Variants in UTRN observed in about 807,000 individuals in gnomAD.
UTRN encodes utrophin.
Under a neutral mutation model 463.9 loss-of-function variants are expected in UTRN, and 283 were observed. The ratio of observed to expected loss-of-function variants is 0.61; its 90% CI spans 0.55 to 0.67. The LOEUF is 0.67. Among genes scored for constraint, UTRN ranks in the 30% least tolerant of loss-of-function variants. The pLI, the probability that UTRN is intolerant of heterozygous loss-of-function variation, is 0.00. For synonymous variants in UTRN, 1,442 were observed against 1,431.5 expected (o/e 1.01, Z -0.17); for missense variants, 3,922 against 4,084.3 (o/e 0.96, Z 1.08).
chr6:144,394,491 G>A (rs543303238), intron 2 of UTRN, among the ~76,000 whole-genome samples: 1 of 152,290 alleles, frequency 6.6e-6, no homozygotes, highest in South Asian at 2.1e-4. Context: ...AATTATGGGA[G>A]CTATAATTCA....
chr6:144,764,962 G>A (rs539218491), intron 58 of UTRN, among the ~76,000 whole-genome samples: 2 of 152,186 alleles, frequency 1.3e-5, no homozygotes, highest in Non-Finnish European at 2.9e-5. Context: ...GGCTCCCCAG[G>A]GCCAATGCAA....
At chr6:144,577,735 G>T (rs1239495112) in intron 51 of UTRN, among the ~76,000 whole-genome samples, 1 of 152,158 alleles carries the variant, frequency 6.6e-6, no homozygotes, top group Non-Finnish European at 1.5e-5. Context: ...TATGTCATTA[G>T]CTTGATAACT....
intron 58 of UTRN, among the ~76,000 whole-genome samples, chr6:144,762,254 C>G (rs929532780): frequency 6.6e-6 from 1 of 152,308 alleles, no homozygotes; most frequent in East Asian, 1.9e-4. Flanking sequence ...TCCTGAACTC[C>G]TGATCACTAT....
At chr6:144,685,997 T>C (rs977833181) in intron 52 of UTRN, among the ~76,000 whole-genome samples, 1 of 152,144 alleles carries the variant, frequency 6.6e-6, no homozygotes, top group Admixed American at 6.6e-5. Flanking sequence ...GAGTTTTTCC[T>C]AGAATTTCTT....
chr6:144,438,798 C>A lies in UTRN; in HGVS notation c.1295C>A (p.Ala432Asp). The change falls in exon 12 of 75, where the codon GCC (alanine) becomes GAC (aspartate). Residue 432 changes from alanine (A) to aspartate (D), a missense_variant. Around this residue, in one of 3 missense-constraint regions of UTRN, gnomAD observed 2,349 missense variants for 2,303.8 expected, o/e 1.02. Coordinates refer to ENST00000367545, the MANE Select transcript of UTRN (RefSeq NM_007124.3). ...LQKKQLQQLS[A>D]WLTLTEERIQ... The stretch of plus-strand genomic sequence containing the variant: ...AAGAAGCAACTGCAGCAGCTCTCCG[C>A]CTGGTTAACACTCACAGAGGAGCGC... 6.2e-7 allele frequency: 1 copy of A among 1,614,208 alleles called. No homozygotes were observed. Among genetic ancestry groups the A allele is most frequent in the East Asian group, 2.2e-5 (1 of 44,886 alleles).
At chr6:144,503,935 T>C (rs576892497) in intron 34 of UTRN, among the ~76,000 whole-genome samples, 64 of 152,228 alleles carry the variant, frequency 4.2e-4, no homozygotes, top group African/African-American at 1.5e-3. Context: ...CAGTGGTTTG[T>C]AGTTCTCCTT....
At chr6:144,557,405 A>G in intron 50 of UTRN, 94 bp downstream of exon 50, 2 of 1,283,808 alleles carry the variant, frequency 1.6e-6, no homozygotes, top group South Asian at 3.2e-5. Flanking sequence ...ACATGTGGCT[A>G]CTACAAGTAC....
chr6:144,499,489 C>A, intron 34 of UTRN, 62 bp downstream of exon 34: 4 of 1,446,148 alleles, frequency 2.8e-6, no homozygotes, highest in South Asian at 1.6e-5. Context: ...TTTGTTCGGG[C>A]GACCTGGTTG....
At chr6:144,375,581 G>A (rs1056821102) in intron 2 of UTRN, among the ~76,000 whole-genome samples, 5 of 152,150 alleles carry the variant, frequency 3.3e-5, no homozygotes, top group Non-Finnish European at 7.4e-5. Context: ...GTTTGGATAT[G>A]TGGCCTTGTT....
At chr6:144,308,735 A>C (rs1805978576) in intron 2 of UTRN, among the ~76,000 whole-genome samples, 1 of 152,072 alleles carries the variant, frequency 6.6e-6, no homozygotes, top group South Asian at 2.1e-4. Flanking sequence ...TTACTTACTC[A>C]AAGTCACCTC....
At chr6:144,294,553 T>C (rs1288078627) in intron 2 of UTRN, among the ~76,000 whole-genome samples, 1 of 151,972 alleles carries the variant, frequency 6.6e-6, no homozygotes, top group Non-Finnish European at 1.5e-5. Context: ...TACTTTCCTT[T>C]AGGAAAATTT....
intron 66 of UTRN, among the ~76,000 whole-genome samples, chr6:144,822,253 A>C (rs778758970): frequency 3.9e-5 from 6 of 152,120 alleles, no homozygotes; most frequent in Non-Finnish European, 5.9e-5. Flanking sequence ...TTTATGTACC[A>C]GTTTATCTCT....
intron 73 of UTRN, among the ~76,000 whole-genome samples, chr6:144,843,048 CTTAG>C (rs1481483371): frequency 6.6e-6 from 1 of 152,072 alleles, no homozygotes; most frequent in African/African-American, 2.4e-5. Flanking sequence ...TGTTATGTTA[CTTAG>C]TGAGTAGATA....
chr6:144,766,603 G>A (rs1364854262), intron 58 of UTRN, among the ~76,000 whole-genome samples: 1 of 152,000 alleles, frequency 6.6e-6, no homozygotes, highest in Non-Finnish European at 1.5e-5. Flanking sequence ...GCACCATGGA[G>A]TTCATTGCTA....
intron 51 of UTRN, among the ~76,000 whole-genome samples, chr6:144,628,131 CAT>C (rs2128652341): frequency 1.3e-5 from 2 of 152,198 alleles, no homozygotes; most frequent in South Asian, 4.1e-4. Flanking sequence ...AATTATTATG[CAT>C]ATATCACATT....
chr6:144,779,062 G>T (rs1775586036), intron 60 of UTRN, among the ~76,000 whole-genome samples: 1 of 152,190 alleles, frequency 6.6e-6, no homozygotes, highest in Non-Finnish European at 1.5e-5. Context: ...CAGCTACAGA[G>T]TGTATAACCA....
chr6:144,522,907 C>T, intron 40 of UTRN, 109 bp from the exon 41 acceptor site: 2 of 891,492 alleles, frequency 2.2e-6, no homozygotes, highest in South Asian at 2.4e-5. Context: ...ATGATTATGT[C>T]TCATTATTAT....
intron 51 of UTRN, chr6:144,659,874 G>C: frequency 5.3e-6 from 1 of 190,400 alleles, no homozygotes; most frequent in Non-Finnish European, 1.1e-5. Flanking sequence ...GGAGAGAACA[G>C]TTGTGGCCTG....
chr6:144,730,341 G>A lies in UTRN; in HGVS notation c.7810-16G>A. On this transcript the variant is annotated splice_polypyrimidine_tract_variant and intron_variant, in intron 53 of 74. Coordinates refer to ENST00000367545, the MANE Select transcript of UTRN (RefSeq NM_007124.3). ...ACGTGAGGTTACAAACTCAACTTTT[G>A]CTTCTCTTTTGAAAGGCCCTGAGAC... 6.4e-7 allele frequency: 1 copy of A among 1,561,872 alleles called. No homozygotes were observed. The highest frequency in any genetic ancestry group is 8.7e-7 in the Non-Finnish European group (1 of 1,152,790).
Sources: allele counts gnomAD v4.1 joint callset (sites outside exome capture counted in the v4.1 genomes callset), GRCh38; gene constraint gnomAD v4.1.1; regional missense constraint gnomAD v4.1.1; transcripts MANE v1.5; gene names NCBI Gene and HGNC (gene_info 2026-07-23, HGNC 2026-07-21).